The following RNF212B variants were observed in gnomAD, a reference collection of about 807,000 sequenced individuals.
RNF212B encodes the protein ring finger protein 212B, also known as E3 ubiquitin-protein ligase RNF212B.
Under a neutral mutation model 55.5 loss-of-function variants are expected in RNF212B, and 52 were observed. The observed-to-expected ratio is 0.94, with a 90% CI of 0.75 to 1.18. The LOEUF is 1.18. Among genes scored for constraint, RNF212B ranks in the 50% most tolerant of loss-of-function variants. The probability of loss-of-function intolerance (pLI) is 0.00; values close to 1 mark genes in which losing one functional copy is unlikely to be tolerated. For synonymous variants in RNF212B, 99 were observed against 121.4 expected (o/e 0.82, Z 1.21); for missense variants, 289 against 350.4 (o/e 0.82, Z 1.40).
intron 14 of RNF212B, chr14:23,272,413 C>A: frequency 4.0e-6 from 1 of 248,786 alleles, no homozygotes. Flanking sequence ...AGCGAGACTC[C>A]ATCTCAAAAA....
At chr14:23,272,441 C>G (rs186186941) in intron 14 of RNF212B, 102 of 256,960 alleles carry the variant, frequency 4.0e-4, no homozygotes, top group African/African-American at 2.4e-3. Context: ...AACAAACAAA[C>G]AAACAAACAA....
chr14:23,270,384 A>G (rs1439369316), intron 13 of RNF212B, among the ~76,000 whole-genome samples: 1 of 152,098 alleles, frequency 6.6e-6, no homozygotes, highest in East Asian at 1.9e-4. Context: ...TATATTGGCT[A>G]TTTTCCCACT....
At chr14:23,267,087 G>A (rs1885758092) in intron 11 of RNF212B, among the ~76,000 whole-genome samples, 5 of 152,126 alleles carry the variant, frequency 3.3e-5, no homozygotes. Context: ...TCCCACTTCA[G>A]CCTCCTGAGT....
chr14:23,254,319 A>AAAAAAC (rs1254160090), intron 4 of RNF212B, among the ~76,000 whole-genome samples: 19 of 147,074 alleles, frequency 1.3e-4, no homozygotes, highest in African/African-American at 3.7e-4. Context: ...AAACAAAACA[A>AAAAAAC]AAAAACAAAA....
intron 11 of RNF212B, among the ~76,000 whole-genome samples, chr14:23,265,704 A>G (rs1431666425): frequency 2.6e-5 from 4 of 152,066 alleles, no homozygotes; most frequent in Admixed American, 1.3e-4. Flanking sequence ...TTCTTTGTCA[A>G]TCATTTCAAA....
intron 11 of RNF212B, 116 bp downstream of exon 11, chr14:23,264,787 T>C (rs1394033036): frequency 2.0e-6 from 1 of 506,220 alleles, no homozygotes; most frequent in Non-Finnish European, 3.2e-6. Flanking sequence ...TTCCTGACAG[T>C]GATTCCATGT....
intron 4 of RNF212B, among the ~76,000 whole-genome samples, chr14:23,252,091 T>TG (rs59611077): frequency 0.057 from 8,075 of 142,866 alleles, 476 homozygotes; most frequent in African/African-American, 0.16. Flanking sequence ...TGTCAGGGGT[T>TG]GGGGGGCGTG....
intron 11 of RNF212B, among the ~76,000 whole-genome samples, chr14:23,268,374 T>C (rs1016834474): frequency 6.6e-6 from 1 of 152,208 alleles, no homozygotes; most frequent in African/African-American, 2.4e-5. Context: ...GAAATGGCAA[T>C]AGAGCAAGTT....
chr14:23,272,422 A>C (rs1319223248), intron 14 of RNF212B: 1 of 253,914 alleles, frequency 3.9e-6, no homozygotes, highest in Admixed American at 5.2e-5. Flanking sequence ...CCATCTCAAA[A>C]AAACAACAAA....
At chr14:23,250,515 C>T (rs928458001) in intron 4 of RNF212B, among the ~76,000 whole-genome samples, 2 of 151,010 alleles carry the variant, frequency 1.3e-5, no homozygotes, top group Non-Finnish European at 2.9e-5. Context: ...TTAATAATTA[C>T]CTCTTAATCA....
intron 2 of RNF212B, among the ~76,000 whole-genome samples, chr14:23,197,259 G>C (rs1316451080): frequency 6.6e-6 from 1 of 152,230 alleles, no homozygotes; most frequent in Non-Finnish European, 1.5e-5. Flanking sequence ...AGGCACTGTG[G>C]CTCACGCCTG....
intron 2 of RNF212B, among the ~76,000 whole-genome samples, chr14:23,241,361 G>A (rs1883551017): frequency 6.6e-6 from 1 of 152,158 alleles, no homozygotes; most frequent in Admixed American, 6.5e-5. Context: ...ATGATGGAAG[G>A]CTCTATACAC....
Position 23,232,669 on chromosome 14 carries a change from C to T in RNF212B, c.-1-7676C>T, listed in dbSNP as rs1026369056. On this transcript the variant is annotated intron_variant, in intron 2 of 15. Coordinates refer to the RNF212B transcript ENST00000399910. ...GGGGGTCAGCCCCCACCAGGCCAGCCGCCCCGTCTGGGAGGGAGGTGGGGG... is the reference window on the plus strand; with the variant it reads ...GGGGGTCAGCCCCCACCAGGCCAGCTGCCCCGTCTGGGAGGGAGGTGGGGG... Among the ~76,000 whole-genome samples, 66 of 151,160 alleles carry T rather than the reference C, an allele frequency of 4.4e-4. 1 individual carries two copies. The East Asian group carries it at 7.5e-3, about 17-fold the overall frequency.
In RNF212B at chr14:23,215,278, G is replaced by A. The variant is rs760769273; in HGVS notation, c.-2+21877G>A. 1.4e-4 allele frequency among the ~76,000 whole-genome samples: 21 copies of A among 152,166 alleles called. 1 individual carries two copies. In the South Asian group the frequency reaches 2.7e-3, roughly 20 times the overall value. On this transcript the variant is annotated intron_variant, in intron 2 of 15. Transcript: ENST00000399910. ...TAAGTTTCCTGAGTCCTCCCTAGCC[G>A]TGCAGAACTGTGAGTCAATTAAATC...
intron 2 of RNF212B, among the ~76,000 whole-genome samples, chr14:23,223,481 G>C (rs930767071): frequency 2.6e-5 from 4 of 151,728 alleles, no homozygotes; most frequent in Non-Finnish European, 4.4e-5. Context: ...TCAGCCTCCC[G>C]AGTAGCTGGA....
rs1884515264 is a variant in RNF212B, at chr14:23,252,824, A to T, written c.229-5725A>T. ...TTTAAGCAAAAGCCTTATGATTCTA[A>T]TGTCATATTCTATTTATGAGAACAA... On this transcript the variant is annotated intron_variant, in intron 4 of 14. Transcript: ENST00000430154. 2.0e-5 allele frequency among the ~76,000 whole-genome samples: 3 copies of T among 152,142 alleles called. No individual in the cohort carries two copies. In the South Asian group the frequency reaches 6.2e-4, roughly 31 times the overall value.
chr14:23,221,917 A>T (rs942462172), intron 2 of RNF212B, among the ~76,000 whole-genome samples: 44 of 152,218 alleles, frequency 2.9e-4, no homozygotes, highest in African/African-American at 9.9e-4. Context: ...TTAAGAAGGA[A>T]ACTGAAAAGT....
chr14:23,240,583 C>G, intron 2 of RNF212B, 138 bp downstream of exon 2: 1 of 532,236 alleles, frequency 1.9e-6, no homozygotes, highest in Non-Finnish European at 3.3e-6. Context: ...AGGAAACTGT[C>G]AATTTTAGAA....
intron 2 of RNF212B, among the ~76,000 whole-genome samples, chr14:23,199,856 T>A (rs529334561): frequency 1.1e-4 from 16 of 152,204 alleles, no homozygotes; most frequent in African/African-American, 2.9e-4. Context: ...CTCAGTTAGC[T>A]GGGCTTTAAG....
Sources: allele counts gnomAD v4.1 joint callset (sites outside exome capture counted in the v4.1 genomes callset), GRCh38; gene constraint gnomAD v4.1.1; transcripts MANE v1.5; gene names NCBI Gene and HGNC (gene_info 2026-07-23, HGNC 2026-07-21).